The following RAB38 variants were observed in gnomAD, a reference collection of about 807,000 sequenced individuals.
The protein encoded by RAB38 is RAB38, member RAS oncogene family.
RAB38 carries 15 observed loss-of-function variants against 18.4 expected under a neutral mutation model. The observed-to-expected ratio is 0.82, with a 90% CI of 0.55 to 1.26. The LOEUF (loss-of-function observed/expected upper bound fraction) is 1.26. Ranked by LOEUF, RAB38 falls within the 50% of genes most tolerant of loss-of-function variation. The probability of loss-of-function intolerance (pLI) is 0.00; values close to 1 mark genes in which losing one functional copy is unlikely to be tolerated. For missense variants in RAB38, 294 were observed against 267.4 expected, an observed-to-expected ratio of 1.10 and a Z score of -0.69; for synonymous variants, 101 against 104.4, an observed-to-expected ratio of 0.97 and a Z score of 0.20.
At chr11:88,174,974 A>C (rs554321364) in intron 1 of RAB38, among the ~76,000 whole-genome samples, 1 of 152,248 alleles carries the variant, frequency 6.6e-6, no homozygotes, top group Non-Finnish European at 1.5e-5. Context: ...TGCGGGAAGG[A>C]GCTAAAGCAA....
At chr11:88,096,512 T>A in the RAB38 span, among the ~76,000 whole-genome samples, 1 of 151,912 alleles carries the variant, frequency 6.6e-6, no homozygotes, top group Non-Finnish European at 1.5e-5. Flanking sequence ...TATATATATT[T>A]GTAGATGGTC....
At chr11:87,925,714 T>A in the RAB38 span, among the ~76,000 whole-genome samples, 2 of 151,976 alleles carry the variant, frequency 1.3e-5, no homozygotes, top group Non-Finnish European at 2.9e-5. Flanking sequence ...GCAAATGTTA[T>A]AGAAGGCAGA....
the RAB38 span, among the ~76,000 whole-genome samples, chr11:87,929,360 T>C: frequency 2.0e-5 from 3 of 152,020 alleles, no homozygotes; most frequent in Admixed American, 1.3e-4. Flanking sequence ...CATTCCTTTT[T>C]TTTTTCCAGC....
the RAB38 span, among the ~76,000 whole-genome samples, chr11:88,017,721 A>G: frequency 1.4e-5 from 2 of 144,524 alleles, no homozygotes; most frequent in East Asian, 3.9e-4. Flanking sequence ...TATATAATAT[A>G]TATTATATAT....
chr11:87,871,713 TCTAACTG>T, the RAB38 span, among the ~76,000 whole-genome samples: 4 of 151,598 alleles, frequency 2.6e-5, no homozygotes, highest in Non-Finnish European at 5.9e-5. Flanking sequence ...TAACAAATAT[TCTAACTG>T]CTAACACCAT....
the RAB38 span, among the ~76,000 whole-genome samples, chr11:88,067,759 G>C: frequency 6.6e-6 from 1 of 151,954 alleles, no homozygotes; most frequent in African/African-American, 2.4e-5. Context: ...GGTGTGGGTG[G>C]CAAGGGGAGG....
chr11:88,076,268 AC>A, the RAB38 span, among the ~76,000 whole-genome samples: 3 of 152,102 alleles, frequency 2.0e-5, no homozygotes, highest in South Asian at 2.1e-4. Flanking sequence ...ATAGAAAAAA[AC>A]ATACCTCAAA....
the RAB38 span, among the ~76,000 whole-genome samples, chr11:87,860,649 G>A: frequency 3.9e-5 from 6 of 151,988 alleles, no homozygotes; most frequent in South Asian, 2.1e-4. Context: ...CTGAGTGACC[G>A]ATTGTTTCAC....
chr11:88,044,872 CTGCT>C, the RAB38 span, among the ~76,000 whole-genome samples: 1 of 152,132 alleles, frequency 6.6e-6, no homozygotes, highest in Admixed American at 6.5e-5. Context: ...TCCTCAGCCT[CTGCT>C]CCACCACCCT....
At chr11:87,967,411 G>A in the RAB38 span, among the ~76,000 whole-genome samples, 1 of 152,104 alleles carries the variant, frequency 6.6e-6, no homozygotes, top group African/African-American at 2.4e-5. Flanking sequence ...ACTGCCCACT[G>A]GTGGGTCTAG....
the RAB38 span, among the ~76,000 whole-genome samples, chr11:88,028,430 C>T: frequency 1.7e-3 from 259 of 152,186 alleles, 1 homozygote; most frequent in African/African-American, 4.8e-3. Flanking sequence ...CAAACTACTC[C>T]GAGCTACAGG....
the RAB38 span, among the ~76,000 whole-genome samples, chr11:87,911,379 C>T: frequency 7.2e-5 from 11 of 152,010 alleles, no homozygotes; most frequent in South Asian, 1.9e-3. Context: ...ACATCTTAAC[C>T]TTTTTGAGTC....
the RAB38 span, among the ~76,000 whole-genome samples, chr11:87,970,792 T>C: frequency 6.6e-6 from 1 of 152,050 alleles, no homozygotes; most frequent in Admixed American, 6.6e-5. Context: ...GGTGAAGAGT[T>C]AGGGAGCTGC....
At chr11:88,125,264 C>T (rs1198633429) in intron 2 of RAB38, among the ~76,000 whole-genome samples, 1 of 152,156 alleles carries the variant, frequency 6.6e-6, no homozygotes, top group Non-Finnish European at 1.5e-5. Context: ...ATGGCTACAA[C>T]TGAACTCTCC....
the RAB38 span, among the ~76,000 whole-genome samples, chr11:87,968,978 TA>T: frequency 1.3e-5 from 2 of 152,132 alleles, no homozygotes; most frequent in Non-Finnish European, 2.9e-5. Flanking sequence ...CTCGTTACAC[TA>T]AAAGATTAGA....
At chr11:87,870,013 C>T in the RAB38 span, among the ~76,000 whole-genome samples, 1 of 151,564 alleles carries the variant, frequency 6.6e-6, no homozygotes, top group African/African-American at 2.4e-5. Flanking sequence ...TATATTCATA[C>T]TTATGCTTAA....
chr11:87,823,622 A>G, the RAB38 span, among the ~76,000 whole-genome samples: 1 of 152,200 alleles, frequency 6.6e-6, no homozygotes, highest in African/African-American at 2.4e-5. Context: ...ATGTCAATTG[A>G]TTTTTGACAA....
chr11:87,808,291 G>C, the RAB38 span, among the ~76,000 whole-genome samples: 1 of 152,128 alleles, frequency 6.6e-6, no homozygotes, highest in Non-Finnish European at 1.5e-5. Flanking sequence ...CAATAGCCAT[G>C]ATATGAAATC....
At chr11:87,931,048 G>A in the RAB38 span, among the ~76,000 whole-genome samples, 1 of 152,114 alleles carries the variant, frequency 6.6e-6, no homozygotes, top group Non-Finnish European at 1.5e-5. Flanking sequence ...GGCAATGCGG[G>A]TTCTTTTTTG....
Sources: allele counts gnomAD v4.1 joint callset (sites outside exome capture counted in the v4.1 genomes callset), GRCh38; gene constraint gnomAD v4.1.1; transcripts MANE v1.5; gene names NCBI Gene and HGNC (gene_info 2026-07-23, HGNC 2026-07-21).